The following C12orf76 variants were observed in gnomAD, a reference collection of about 807,000 sequenced individuals.
C12orf76 encodes chromosome 12 open reading frame 76.
Under a neutral mutation model 6.8 loss-of-function variants are expected in C12orf76, and 6 were observed. The observed-to-expected ratio is 0.88, with a 90% CI of 0.48 to 1.73. The LOEUF is 1.73. Ranked by LOEUF, C12orf76 falls within the 40% of genes most tolerant of loss-of-function variation. C12orf76 has a pLI of 0.01. For synonymous variants in C12orf76, 56 were observed against 43.7 expected, an observed-to-expected ratio of 1.28 and a Z score of -1.11; for missense variants, 99 against 98.2, an observed-to-expected ratio of 1.01 and a Z score of -0.03.
At chr12:110,050,759 G>T, upstream of C12orf76, 1 of 565,290 alleles carries the variant, frequency 1.8e-6, no homozygotes, top group Non-Finnish European at 3.2e-6. Flanking sequence ...CTCTGTCTAT[G>T]GAGTAGCCAT....
chr12:110,044,655 C>T (rs1350734999), intron 1 of C12orf76: 4 of 153,888 alleles, frequency 2.6e-5, no homozygotes, highest in Middle Eastern at 5.1e-4. Flanking sequence ...ACGCTTAAAC[C>T]GGTTATTATT....
intron 4 of C12orf76, among the ~76,000 whole-genome samples, chr12:110,056,280 C>T (rs765219131): frequency 1.3e-5 from 2 of 152,110 alleles, no homozygotes; most frequent in Non-Finnish European, 2.9e-5. Flanking sequence ...TGTCACCCTT[C>T]CAGGTGTTAG....
chr12:110,053,580 C>T (rs1892620235), upstream of C12orf76, among the ~76,000 whole-genome samples: 1 of 152,206 alleles, frequency 6.6e-6, no homozygotes, highest in Non-Finnish European at 1.5e-5. Context: ...GAAAAGATAG[C>T]TCATATTTGT....
chr12:110,059,266 T>C (rs1892729330), intron 2 of C12orf76: 1 of 1,332,694 alleles, frequency 7.5e-7, no homozygotes, highest in African/African-American at 1.5e-5. Flanking sequence ...AATAGTTTTC[T>C]TGTGAATTCT....
At chr12:110,057,298 T>C in intron 3 of C12orf76, 1 of 1,605,658 alleles carries the variant, frequency 6.2e-7, no homozygotes, top group Non-Finnish European at 8.5e-7. Context: ...TTACAGCTCC[T>C]AAGGTTCCAG....
chr12:110,068,209 AAGAAGAAGAAGG>A (rs1222706341), upstream of C12orf76, among the ~76,000 whole-genome samples: 3 of 150,942 alleles, frequency 2.0e-5, no homozygotes, highest in Non-Finnish European at 2.9e-5. Context: ...CGTCTCAAAA[AAGAAGAAGAAGG>A]AGAAGGAGAA....
intron 2 of C12orf76, among the ~76,000 whole-genome samples, chr12:110,064,656 C>T (rs1216105954): frequency 1.3e-5 from 2 of 152,140 alleles, no homozygotes; most frequent in East Asian, 3.8e-4. Flanking sequence ...TCTCAGTGCC[C>T]CCCAGATGCA....
chr12:110,060,867 C>T (rs1892759737), intron 2 of C12orf76, among the ~76,000 whole-genome samples: 2 of 152,044 alleles, frequency 1.3e-5, no homozygotes, highest in African/African-American at 4.8e-5. Context: ...GAAACCCAAT[C>T]TCTACTAAAA....
At chr12:110,050,346 T>C (rs1382239004), upstream of C12orf76, 1 of 152,864 alleles carries the variant, frequency 6.5e-6, no homozygotes, top group Non-Finnish European at 1.5e-5. Context: ...AATACAAATG[T>C]CAGAGGCGTG....
At chr12:110,061,533 T>G (rs1017931330) in intron 2 of C12orf76, among the ~76,000 whole-genome samples, 20 of 150,960 alleles carry the variant, frequency 1.3e-4, no homozygotes, top group Admixed American at 1.3e-3. Context: ...GCACACTGCA[T>G]ACTTTTTTTT....
rs61940915 is a variant in C12orf76 at position 110,065,532 on chromosome 12, T to C, written n.380+328A>G. On this transcript the variant is annotated intron_variant and non_coding_transcript_variant, in intron 2 of 4. Transcript: ENST00000309050. ...TCCCTCAGGAATCCGGAGCCATCCT[T>C]CACCTCCTAGCAAATCCATCAGTTC... is the stretch of plus-strand genomic sequence containing the variant. 3.3e-3 allele frequency among the ~76,000 whole-genome samples: 499 copies of C among 152,178 alleles called. 5 individuals are homozygous for C. Among genetic ancestry groups the C allele is most frequent in the Non-Finnish European group, 3.9e-3 (263 of 67,992 alleles).
exon 3 of C12orf76, chr12:110,059,036 T>C (rs368526788): frequency 1.3e-6 from 2 of 1,551,526 alleles, no homozygotes; most frequent in Non-Finnish European, 1.7e-6. Context: ...GCGAGAAGCT[T>C]GTCCAAGGTC....
intron 2 of C12orf76, among the ~76,000 whole-genome samples, chr12:110,061,970 A>G (rs1404839881): frequency 6.6e-6 from 1 of 151,898 alleles, no homozygotes; most frequent in Non-Finnish European, 1.5e-5. Flanking sequence ...TTCTGTAATA[A>G]GAGGATATTA....
At chr12:110,058,934 C>T in intron 3 of C12orf76, 2 of 1,475,274 alleles carry the variant, frequency 1.4e-6, no homozygotes, top group Non-Finnish European at 1.8e-6. Context: ...TTACTCCCCC[C>T]CACCAAAAAA....
intron 4 of C12orf76, chr12:110,056,933 C>A: frequency 2.4e-6 from 1 of 419,804 alleles, no homozygotes; most frequent in Non-Finnish European, 4.3e-6. Flanking sequence ...TGTAAATTAC[C>A]TAGTCTCGAA....
At chr12:110,049,776 C>T (rs945767860), upstream of C12orf76, 1 of 152,188 alleles carries the variant, frequency 6.6e-6, no homozygotes, top group African/African-American at 2.4e-5. Context: ...GCCTCACACC[C>T]AGTAGCTAAA....
At chr12:110,070,964 G>A (rs530090489), upstream of C12orf76, among the ~76,000 whole-genome samples, 4 of 152,228 alleles carry the variant, frequency 2.6e-5, no homozygotes, top group South Asian at 2.1e-4. Context: ...TAGTAAAGAC[G>A]GAGTTCCACC....
At chr12:110,053,682 T>C (rs7136207), upstream of C12orf76, among the ~76,000 whole-genome samples, 46,381 of 152,130 alleles carry the variant, frequency 0.3, 10,318 homozygotes, top group African/African-American at 0.64. Context: ...GTACATGTGC[T>C]GGAGTTATGG....
intron 1 of C12orf76, 32 bp from the exon 2 acceptor site, chr12:110,042,491 G>A: frequency 2.1e-6 from 3 of 1,432,384 alleles, no homozygotes; most frequent in Non-Finnish European, 3.0e-6. Context: ...CTTCCTAATG[G>A]CAGCTCCAGG....
Sources: gnomAD v4.1 joint callset for allele counts (sites outside exome capture counted in the v4.1 genomes callset) on GRCh38, gnomAD v4.1.1 for gene constraint, MANE v1.5 for transcripts, NCBI Gene and HGNC (gene_info 2026-07-23, HGNC 2026-07-21) for gene names.